The following CBL variants were observed in gnomAD, a reference collection of about 807,000 sequenced individuals.
The protein encoded by CBL is E3 ubiquitin-protein ligase CBL.
CBL carries 45 observed loss-of-function variants against 96.9 expected under a neutral mutation model. That is an observed-to-expected ratio of 0.46 (90% confidence interval 0.37 to 0.60). The LOEUF (loss-of-function observed/expected upper bound fraction) is 0.60. CBL is among the 20% of genes least tolerant of loss of function. The pLI is 0.00. For missense variants in CBL, 1,024 were observed against 1,143.5 expected (o/e 0.90, Z 1.51); for synonymous variants, 420 against 426.8 (o/e 0.98, Z 0.20).
At chr11:119,296,034 A>C (rs1950060494) in intron 12 of CBL, among the ~76,000 whole-genome samples, 1 of 152,332 alleles carries the variant, frequency 6.6e-6, no homozygotes, top group African/African-American at 2.4e-5. Context: ...AGATATAAGA[A>C]AAAACCTCAA....
At position 119,285,550 on chromosome 11, in the gene CBL, G is replaced by T. The variant is rs571045498; in HGVS notation, c.1925G>T (p.Ser642Ile). The change falls in exon 11 of 16, where the codon AGT becomes ATT. Residue 642 changes from serine to isoleucine, a missense_variant. Around this residue, in one of 4 missense-constraint regions of CBL, gnomAD observed 695 missense variants for 661.6 expected, o/e 1.05. Coordinates refer to ENST00000264033, the MANE Select transcript of CBL (RefSeq NM_005188.4). Reference protein sequence around the residue: ...PDVPRLGSTFSLDTSMSMNSS... With the variant: ...PDVPRLGSTFILDTSMSMNSS... ...GTGCCTAGGCTCGGAAGCACGTTCA[G>T]TCTGGATACCTCCATGGTGAGTCTT... 3.7e-6 allele frequency: 6 copies of T among 1,613,924 alleles called. No individual in the cohort carries two copies. The Admixed American group carries it at 5.0e-5, about 13-fold the overall frequency.
intron 3 of CBL, among the ~76,000 whole-genome samples, chr11:119,272,267 GCC>G (rs1949855095): frequency 6.6e-6 from 1 of 152,100 alleles, no homozygotes; most frequent in South Asian, 2.1e-4. Context: ...GACTATAGGT[GCC>G]TGCCACCACG....
rs1950098535 is a variant in CBL, at chr11:119,301,044, C to T, written c.*1263C>T. Reference sequence around the variant, plus strand: ...GGAGTGGGGATAATGTCCACGGTGGCCCAGCCTCTTGCTGATGGCACCTTC... The same window carrying T: ...GGAGTGGGGATAATGTCCACGGTGGTCCAGCCTCTTGCTGATGGCACCTTC... On this transcript the variant is annotated 3_prime_UTR_variant, in exon 16 of 16. Coordinates refer to ENST00000264033, the MANE Select transcript of CBL (RefSeq NM_005188.4). 1 of 233,338 alleles carries T rather than the reference C, an allele frequency of 4.3e-6. No individual in the cohort carries two copies. Among genetic ancestry groups the T allele is most frequent in the Non-Finnish European group, 8.5e-6 (1 of 118,172 alleles). 14.5% of individuals were successfully genotyped at this position (233,338 alleles called of 1,614,324 possible). A position where few individuals can be genotyped will look rare whatever the true frequency, so the allele number is the denominator to read the frequency against.
intron 1 of CBL, among the ~76,000 whole-genome samples, chr11:119,221,244 G>GAA (rs564217596): frequency 1.5e-5 from 2 of 131,248 alleles, no homozygotes; most frequent in African/African-American, 2.8e-5. Context: ...CTCCATCTCA[G>GAA]AAAAAAAAAA....
chr11:119,223,648 G>A (rs1949429472), intron 1 of CBL, among the ~76,000 whole-genome samples: 1 of 150,472 alleles, frequency 6.6e-6, no homozygotes, highest in Non-Finnish European at 1.5e-5. Context: ...TTTTGAGACA[G>A]CGTCTCTCTC....
chr11:119,277,235 T>A (rs1311706139), intron 6 of CBL, among the ~76,000 whole-genome samples: 2 of 74,256 alleles, frequency 2.7e-5, no homozygotes, highest in Non-Finnish European at 2.5e-5. Flanking sequence ...AATAAGAATC[T>A]GTCGCGCACA....
chr11:119,213,815 T>A (rs1352590151), intron 1 of CBL, among the ~76,000 whole-genome samples: 1 of 152,050 alleles, frequency 6.6e-6, no homozygotes, highest in African/African-American at 2.4e-5. Flanking sequence ...CAAGCCTTCC[T>A]CCCGCTTTGG....
intron 2 of CBL, among the ~76,000 whole-genome samples, chr11:119,242,389 T>G (rs1335652313): frequency 6.6e-6 from 1 of 151,368 alleles, no homozygotes; most frequent in Non-Finnish European, 1.5e-5. Flanking sequence ...AAATACAAAA[T>G]CAGCTGGGCA....
At chr11:119,245,599 G>C (rs1483177086) in intron 2 of CBL, among the ~76,000 whole-genome samples, 1 of 151,824 alleles carries the variant, frequency 6.6e-6, no homozygotes, top group East Asian at 1.9e-4. Context: ...CATGGTGGTG[G>C]GTACCTGTAA....
At chr11:119,276,159 G>T (rs1401016365) in intron 6 of CBL, 25 bp downstream of exon 6, 1 of 1,613,576 alleles carries the variant, frequency 6.2e-7, no homozygotes, top group South Asian at 1.1e-5. Flanking sequence ...CATACCATCT[G>T]TTAGAGTCTG....
At chr11:119,220,717 A>G (rs771700604) in intron 1 of CBL, among the ~76,000 whole-genome samples, 43 of 152,308 alleles carry the variant, frequency 2.8e-4, no homozygotes, top group Non-Finnish European at 5.7e-4. Flanking sequence ...TGAGATTGGT[A>G]ATGAATTATA....
intron 9 of CBL, among the ~76,000 whole-genome samples, chr11:119,279,061 C>T (rs904091406): frequency 6.6e-6 from 1 of 152,060 alleles, no homozygotes; most frequent in Non-Finnish European, 1.5e-5. Flanking sequence ...TTCTTACTGT[C>T]TGTATTTTTT....
chr11:119,223,279 G>T (rs1267453422), intron 1 of CBL, among the ~76,000 whole-genome samples: 2 of 138,190 alleles, frequency 1.4e-5, no homozygotes, highest in African/African-American at 5.4e-5. Flanking sequence ...CCATCCTCCC[G>T]TCTCAGCCTT....
At chr11:119,267,509 C>T (rs556923278) in intron 2 of CBL, among the ~76,000 whole-genome samples, 4 of 152,252 alleles carry the variant, frequency 2.6e-5, no homozygotes, top group East Asian at 3.9e-4. Flanking sequence ...CCAAGACCCA[C>T]TCCCTGTATT....
At chr11:119,296,396 T>G (rs1022057937) in intron 12 of CBL, among the ~76,000 whole-genome samples, 2 of 152,190 alleles carry the variant, frequency 1.3e-5, no homozygotes, top group African/African-American at 2.4e-5. Context: ...AGATCCTTGA[T>G]GTGGGAGTCA....
At chr11:119,281,144 G>A (rs1949930198) in intron 9 of CBL, among the ~76,000 whole-genome samples, 1 of 152,152 alleles carries the variant, frequency 6.6e-6, no homozygotes, top group African/African-American at 2.4e-5. Context: ...GCTCCAGTCT[G>A]CTCCAGTTAC....
Position 119,304,630 on chromosome 11 carries a change from ATTTT to A in CBL, c.*4860_*4863del. On this transcript the variant is annotated 3_prime_UTR_variant, in exon 16 of 16. Transcript: ENST00000264033. The stretch of plus-strand genomic sequence containing the variant: ...ACAAATTCTCAATTTCCCATACTTA[ATTTT>A]TTTTTTTTTTGAGATGGAGTCTCGC... 5.0e-6 allele frequency: 1 copy of A among 198,768 alleles called. No individual in the cohort carries two copies. The highest frequency in any genetic ancestry group is 1.0e-5 in the Non-Finnish European group (1 of 98,896). 12.3% of individuals were successfully genotyped at this position (198,768 alleles called of 1,614,324 possible). A position where few individuals can be genotyped will look rare whatever the true frequency, so the allele number is the denominator to read the frequency against.
chr11:119,259,770 A>C (rs1949739251), intron 2 of CBL, among the ~76,000 whole-genome samples: 1 of 152,242 alleles, frequency 6.6e-6, no homozygotes, highest in Non-Finnish European at 1.5e-5. Flanking sequence ...AACAACTAAA[A>C]AATTGGCATC....
At chr11:119,246,714 A>C (rs1218569653) in intron 2 of CBL, among the ~76,000 whole-genome samples, 3 of 152,204 alleles carry the variant, frequency 2.0e-5, no homozygotes, top group African/African-American at 2.4e-5. Flanking sequence ...GGCCTCCCAA[A>C]GTGTTGGGAT....
Sources: gnomAD v4.1 joint callset for allele counts (sites outside exome capture counted in the v4.1 genomes callset) on GRCh38, gnomAD v4.1.1 for gene constraint, gnomAD v4.1.1 regional missense constraint, MANE v1.5 for transcripts, NCBI Gene and HGNC (gene_info 2026-07-23, HGNC 2026-07-21) for gene names.